The following GYS2 variants were observed in gnomAD, a reference collection of about 807,000 sequenced individuals.
GYS2 encodes glycogen [starch] synthase, liver.
Under a neutral mutation model 85.6 loss-of-function variants are expected in GYS2, and 80 were observed. The ratio of observed to expected loss-of-function variants is 0.93; its 90% CI spans 0.78 to 1.13. The LOEUF is 1.13. Ranked by LOEUF, GYS2 falls within the 50% of genes most tolerant of loss-of-function variation. GYS2 has a pLI of 0.00. For synonymous variants in GYS2, 328 were observed against 300.7 expected (o/e 1.09, Z -0.94); for missense variants, 881 against 854.9 (o/e 1.03, Z -0.38).
chr12:21,599,793 G>A (rs544416124), intron 1 of GYS2, among the ~76,000 whole-genome samples: 1 of 152,210 alleles, frequency 6.6e-6, no homozygotes, highest in Non-Finnish European at 1.5e-5. Context: ...CTCATTCAAA[G>A]TGAAAGCTGG....
At position 21,536,309 on chromosome 12, in the gene GYS2, G is replaced by A. The variant is rs1185513023; in HGVS notation, c.*645C>T. On this transcript the variant is annotated 3_prime_UTR_variant, in exon 16 of 16. Transcript: ENST00000261195. ...CAATAGAAAAATGTTACAGTAAGAT[G>A]GTGGTACCATGTACATGGTAATATC... 1 of 152,324 alleles carries A rather than the reference G, an allele frequency of 6.6e-6. No individual in the cohort carries two copies. Among genetic ancestry groups the A allele is most frequent in the Non-Finnish European group, 1.5e-5 (1 of 68,188 alleles). 9.4% of individuals were successfully genotyped at this position (152,324 alleles called of 1,614,324 possible).
chr12:21,574,374 G>A (rs554002300), intron 3 of GYS2, 48 bp from the exon 4 acceptor site: 120 of 1,435,434 alleles, frequency 8.4e-5, no homozygotes, highest in South Asian at 7.2e-4. Context: ...GATGAAGCTT[G>A]ATTGTGCTCA....
chr12:21,537,587 A>C (rs1399679128), intron 15 of GYS2, among the ~76,000 whole-genome samples: 4 of 152,142 alleles, frequency 2.6e-5, no homozygotes, highest in Admixed American at 6.5e-5. Flanking sequence ...CTGCCACCTT[A>C]CACTGCTGAT....
rs562691969 is a variant in GYS2 at position 21,588,247 on chromosome 12, T to C, written c.122-7724A>G. Reference sequence around the variant, plus strand: ...TATTCCATTTCATCAGACTACAGGTTTTAATAGCTACTATATTTCTTAAAT... The same window carrying C: ...TATTCCATTTCATCAGACTACAGGTCTTAATAGCTACTATATTTCTTAAAT... On this transcript the variant is annotated intron_variant, in intron 1 of 15. Coordinates refer to ENST00000261195, the MANE Select transcript of GYS2 (RefSeq NM_021957.4). 3.3e-5 allele frequency among the ~76,000 whole-genome samples: 5 copies of C among 152,370 alleles called. No individual in the cohort carries two copies. The South Asian group carries it at 6.2e-4, about 19-fold the overall frequency.
In GYS2 at chr12:21,582,770, A is replaced by T. The variant is rs142391465; in HGVS notation, c.122-2247T>A. On this transcript the variant is annotated intron_variant, in intron 1 of 15. Transcript: ENST00000261195. Reference sequence around the variant, plus strand: ...TTGGGGTTTCTGGAGTTGGCTGCTTAATATGATTAGACCCAAATATGCTAA... The same window carrying T: ...TTGGGGTTTCTGGAGTTGGCTGCTTTATATGATTAGACCCAAATATGCTAA... 5.9e-5 allele frequency among the ~76,000 whole-genome samples: 9 copies of T among 152,246 alleles called. No homozygotes were observed. In the East Asian group the frequency reaches 1.7e-3, roughly 29 times the overall value.
chr12:21,546,360 G>A lies in GYS2; in HGVS notation c.1533C>T (p.Pro511=), dbSNP rs887126199. 7 of 1,603,768 alleles carry A rather than the reference G, an allele frequency of 4.4e-6. No individual in the cohort carries two copies. In the African/African-American group the frequency reaches 9.4e-5, roughly 22 times the overall value. The change falls in exon 12 of 16, where the codon CCC becomes CCT. Residue 511 remains proline (P), a synonymous_variant. Transcript: ENST00000261195. ...GACACATACCTGGAGTATAACCCCAGGGTTCATAGTATGATGGAAATACTC... is the reference window on the plus strand; with the variant it reads ...GACACATACCTGGAGTATAACCCCAAGGTTCATAGTATGATGGAAATACTC... The part of the protein sequence containing the change: ...HLGVFPSYYE[P]WGYTPAECTV...
intron 11 of GYS2, among the ~76,000 whole-genome samples, chr12:21,557,735 T>C (rs1944198434): frequency 6.6e-6 from 1 of 152,110 alleles, no homozygotes; most frequent in Middle Eastern, 3.4e-3. Flanking sequence ...CCGTCTCTAC[T>C]AAAAATACAA....
downstream of GYS2, among the ~76,000 whole-genome samples, chr12:21,534,716 G>A (rs1217216647): frequency 6.6e-6 from 1 of 152,130 alleles, no homozygotes; most frequent in African/African-American, 2.4e-5. Context: ...ACCTATATAT[G>A]AATTTGGGGG....
At chr12:21,573,761 T>C (rs1330789399) in intron 4 of GYS2, among the ~76,000 whole-genome samples, 2 of 152,240 alleles carry the variant, frequency 1.3e-5, no homozygotes, top group Non-Finnish European at 2.9e-5. Flanking sequence ...TTTGTATGTC[T>C]CAAATCTCAA....
At chr12:21,551,001 CTT>C (rs71452232) in intron 11 of GYS2, among the ~76,000 whole-genome samples, 21,410 of 142,688 alleles carry the variant, frequency 0.15, 1,832 homozygotes, top group African/African-American at 0.25. Context: ...CTACACTTTT[CTT>C]TTTTTTTTAA....
At chr12:21,544,534 C>G (rs954301469) in intron 12 of GYS2, among the ~76,000 whole-genome samples, 5 of 152,166 alleles carry the variant, frequency 3.3e-5, no homozygotes, top group South Asian at 4.1e-4. Context: ...ATCCATGATA[C>G]TTCCAATAGT....
chr12:21,558,115 A>G (rs1402571409), intron 11 of GYS2, 85 bp downstream of exon 11: 1 of 868,180 alleles, frequency 1.2e-6, no homozygotes, highest in Admixed American at 2.0e-5. Context: ...TTGTAGATGT[A>G]AAAACAACTA....
intron 1 of GYS2, among the ~76,000 whole-genome samples, chr12:21,593,363 G>T (rs908645369): frequency 6.7e-6 from 1 of 149,056 alleles, no homozygotes; most frequent in African/African-American, 2.5e-5. Flanking sequence ...AATGGATATA[G>T]CTCTAGCTAG....
chr12:21,579,335 T>C (rs531620704), intron 2 of GYS2, among the ~76,000 whole-genome samples: 1 of 148,868 alleles, frequency 6.7e-6, no homozygotes, highest in East Asian at 2.0e-4. Flanking sequence ...GAAGAATTTA[T>C]TTTCTTACTT....
chr12:21,560,495 GAT>G lies in GYS2; in HGVS notation c.1063-5_1063-4del, dbSNP rs1944239987. On this transcript the variant is annotated splice_polypyrimidine_tract_variant and splice_region_variant and intron_variant, in intron 7 of 15. Transcript: ENST00000261195. ...ACTGTGATGTCACTTTTATGCATCTGATGAGGAATTAGAAAACACAGAGTCAA... is the reference window on the plus strand; with the variant it reads ...ACTGTGATGTCACTTTTATGCATCTGGAGGAATTAGAAAACACAGAGTCAA... 7.6e-7 allele frequency: 1 copy of G among 1,324,388 alleles called. No homozygotes were observed. Among genetic ancestry groups the G allele is most frequent in the Non-Finnish European group, 1.1e-6 (1 of 914,834 alleles). 82.0% of individuals were successfully genotyped at this position (1,324,388 alleles called of 1,614,324 possible). A position where few individuals can be genotyped will look rare whatever the true frequency, so the allele number is the denominator to read the frequency against.
chr12:21,559,118 A>G lies in GYS2; in HGVS notation c.1281T>C (p.Ile427=). ...GAGTTGAAAAGATGGCTCTTTTCAT[A>G]ATTGTTAGATCATCTCGATCTAAAA... ...NDILDRDDLT[I]MKRAIFSTQR... Residue 427 remains isoleucine (I), a synonymous_variant, in exon 10 of 16, where the codon ATT becomes ATC. Coordinates refer to ENST00000261195, the MANE Select transcript of GYS2 (RefSeq NM_021957.4). 1 of 1,608,522 alleles carries G rather than the reference A, an allele frequency of 6.2e-7. No individual in the cohort carries two copies. Among genetic ancestry groups the G allele is most frequent in the Non-Finnish European group, 8.5e-7 (1 of 1,175,548 alleles).
At chr12:21,578,410 C>G (rs1944470204) in intron 2 of GYS2, among the ~76,000 whole-genome samples, 1 of 152,180 alleles carries the variant, frequency 6.6e-6, no homozygotes, top group Admixed American at 6.5e-5. Flanking sequence ...TTAAACAACA[C>G]TGGATCTTCA....
intron 11 of GYS2, among the ~76,000 whole-genome samples, chr12:21,551,403 T>A (rs1243113414): frequency 6.6e-6 from 1 of 152,020 alleles, no homozygotes; most frequent in Non-Finnish European, 1.5e-5. Flanking sequence ...CCTCATTTAA[T>A]CTTAGTGACC....
Position 21,563,104 on chromosome 12 carries a change from A to C in GYS2, c.942-66T>G, listed in dbSNP as rs1237209108. On this transcript the variant is annotated intron_variant, in intron 6 of 15. Transcript: ENST00000261195. ...GCAACAGTAACAAAATGTACACATG[A>C]ATTCTGTTAATGTACAAAGGGGGCT... is the stretch of plus-strand genomic sequence containing the variant. 2.3e-6 allele frequency: 3 copies of C among 1,285,382 alleles called. No individual in the cohort carries two copies. The African/African-American group carries it at 4.4e-5, about 19-fold the overall frequency. 79.6% of individuals were successfully genotyped at this position (1,285,382 alleles called of 1,614,324 possible).
Sources: allele counts gnomAD v4.1 joint callset (sites outside exome capture counted in the v4.1 genomes callset), GRCh38; gene constraint gnomAD v4.1.1; transcripts MANE v1.5; gene names NCBI Gene and HGNC (gene_info 2026-07-23, HGNC 2026-07-21).